The following ASTN1 variants were observed in gnomAD, a reference collection of about 807,000 sequenced individuals.
ASTN1 encodes astrotactin 1, also known as astrotactin-1.
Under a neutral mutation model 140.7 loss-of-function variants are expected in ASTN1, and 41 were observed. The observed-to-expected ratio is 0.29, with a 90% CI of 0.23 to 0.38. The LOEUF (loss-of-function observed/expected upper bound fraction) is 0.38. Among genes scored for constraint, ASTN1 ranks in the 10% least tolerant of loss-of-function variants. The probability of loss-of-function intolerance (pLI) is 1.00; values close to 1 mark genes in which losing one functional copy is unlikely to be tolerated. For synonymous variants in ASTN1, 640 were observed against 652.2 expected (o/e 0.98, Z 0.29); for missense variants, 1,479 against 1,678.8 (o/e 0.88, Z 2.08).
intron 1 of ASTN1, among the ~76,000 whole-genome samples, chr1:177,102,334 A>G (rs1181190549): frequency 2.0e-5 from 3 of 152,200 alleles, no homozygotes; most frequent in African/African-American, 7.2e-5. Flanking sequence ...GAAGGAAGCA[A>G]ACTCTGAGAG....
intron 8 of ASTN1, among the ~76,000 whole-genome samples, chr1:176,982,325 G>A (rs2101883002): frequency 6.6e-6 from 1 of 152,332 alleles, no homozygotes; most frequent in Non-Finnish European, 1.5e-5. Flanking sequence ...CGAGGGGCCG[G>A]TAACTCAGGA....
chr1:177,123,180 G>A (rs899734976), intron 1 of ASTN1, among the ~76,000 whole-genome samples: 4 of 152,184 alleles, frequency 2.6e-5, no homozygotes, highest in South Asian at 4.1e-4. Flanking sequence ...AGTGCATGCT[G>A]AGTAGAATGG....
intron 9 of ASTN1, 28 bp from the exon 10 acceptor site, chr1:176,958,510 C>A: frequency 6.3e-7 from 1 of 1,591,196 alleles, no homozygotes; most frequent in South Asian, 1.1e-5. Flanking sequence ...GCCAGGTGGT[C>A]ATGACTGGGG....
At chr1:176,908,125 C>G (rs1015523534) in intron 16 of ASTN1, among the ~76,000 whole-genome samples, 1 of 111,410 alleles carries the variant, frequency 9.0e-6, no homozygotes, top group Non-Finnish European at 1.8e-5. Flanking sequence ...ATCTAACTCT[C>G]TTATGCAACA....
chr1:176,898,605 G>A (rs2103043935), intron 16 of ASTN1, among the ~76,000 whole-genome samples: 1 of 152,328 alleles, frequency 6.6e-6, no homozygotes, highest in Non-Finnish European at 1.5e-5. Context: ...GTAAGTGAGA[G>A]TCGTTCAGGT....
intron 2 of ASTN1, among the ~76,000 whole-genome samples, chr1:177,041,892 G>T (rs1676992572): frequency 6.6e-6 from 1 of 152,228 alleles, no homozygotes; most frequent in Admixed American, 6.5e-5. Flanking sequence ...AGCAACTGGG[G>T]CTGAGTACAT....
chr1:177,068,821 CT>C lies in ASTN1; in HGVS notation c.284-7557del, dbSNP rs763780306. 6.4e-3 allele frequency among the ~76,000 whole-genome samples: 870 copies of C among 135,324 alleles called. 4 individuals carry two copies. The highest frequency in any genetic ancestry group is 0.014 in the African/African-American group (516 of 36,780). The allele number at this position is 135,324 out of a possible 152,430, so 88.8% of individuals were successfully genotyped here. ...TTTTCTTTTTTTCCTTCTTTCTTTT[CT>C]TTTTTTTTTTTTTTTGAGATAGGAT... is the stretch of plus-strand genomic sequence containing the variant. On this transcript the variant is annotated intron_variant, in intron 1 of 22. Transcript: ENST00000361833.
intron 2 of ASTN1, among the ~76,000 whole-genome samples, chr1:177,051,379 T>C (rs1558059873): frequency 6.6e-6 from 1 of 152,204 alleles, no homozygotes; most frequent in Non-Finnish European, 1.5e-5. Flanking sequence ...GTAAATAAAG[T>C]TTATTGAAAC....
rs16850568 is a variant in ASTN1, at chr1:176,989,425, C to A, written c.1524-24188G>T. 8.5e-3 allele frequency among the ~76,000 whole-genome samples: 1,301 copies of A among 152,274 alleles called. 20 individuals are homozygous for A. Among genetic ancestry groups the A allele is most frequent in the Middle Eastern group, 0.048 (14 of 294 alleles). On this transcript the variant is annotated intron_variant, in intron 8 of 22. Transcript: ENST00000361833. The stretch of plus-strand genomic sequence containing the variant: ...AGGAAAAGAGCCAATTAAGCTTCGT[C>A]CTGCAGAGGTACAATGGCCTAACAA...
intron 1 of ASTN1, among the ~76,000 whole-genome samples, chr1:177,102,956 T>A (rs115532781): frequency 0.046 from 7,066 of 152,276 alleles, 200 homozygotes; most frequent in Admixed American, 0.065. Flanking sequence ...TCTCTAACCA[T>A]AATGGCTGCT....
chr1:177,158,690 G>GTA (rs1364882588), intron 1 of ASTN1, among the ~76,000 whole-genome samples: 1 of 144,774 alleles, frequency 6.9e-6, no homozygotes, highest in Non-Finnish European at 1.5e-5. Context: ...GTGTGTGTGT[G>GTA]TGTATGATAT....
chr1:176,868,756 T>G, intron 22 of ASTN1, 88 bp downstream of exon 22: 1 of 1,372,230 alleles, frequency 7.3e-7, no homozygotes, highest in Non-Finnish European at 9.8e-7. Context: ...CCAGGAAATC[T>G]CTACAACTTC....
chr1:177,136,539 A>G (rs1469789661), intron 1 of ASTN1, among the ~76,000 whole-genome samples: 1 of 151,902 alleles, frequency 6.6e-6, no homozygotes, highest in Non-Finnish European at 1.5e-5. Flanking sequence ...TTTTTAGTAG[A>G]GACAGGGTTT....
At chr1:177,036,071 G>A (rs1221508994) in intron 2 of ASTN1, among the ~76,000 whole-genome samples, 4 of 104,588 alleles carry the variant, frequency 3.8e-5, no homozygotes, top group Non-Finnish European at 7.2e-5. Flanking sequence ...TTGAGATGGA[G>A]TTTTGCTCTT....
In ASTN1 at chr1:176,876,521, C is replaced by T; in HGVS notation, c.3463+16G>A. On this transcript the variant is annotated intron_variant, in intron 21 of 22. Coordinates refer to ENST00000361833, the MANE Select transcript of ASTN1 (RefSeq NM_004319.3). ...GGCATCCCTTCAGAAACACTGCTAA[C>T]TTCGATGTCTCTTACCTTGAGCCTT... is the stretch of plus-strand genomic sequence containing the variant. The T allele has an allele frequency of 6.2e-7, 1 of 1,613,648 alleles. No homozygotes were observed.
chr1:177,062,627 C>T (rs1173972115), intron 1 of ASTN1, among the ~76,000 whole-genome samples: 1 of 149,196 alleles, frequency 6.7e-6, no homozygotes, highest in East Asian at 2.0e-4. Flanking sequence ...ATTTCACAGA[C>T]ATAAAAGAGA....
chr1:177,135,761 C>G (rs941114943), intron 1 of ASTN1, among the ~76,000 whole-genome samples: 2 of 152,160 alleles, frequency 1.3e-5, no homozygotes, highest in Non-Finnish European at 2.9e-5. Context: ...AAAACACTTT[C>G]CAGCTTAAAT....
At chr1:177,049,746 C>G (rs1046786908) in intron 2 of ASTN1, among the ~76,000 whole-genome samples, 1 of 152,214 alleles carries the variant, frequency 6.6e-6, no homozygotes. Context: ...GCCCACGTCA[C>G]TCTGCTTTGA....
chr1:177,063,270 G>C (rs1678187755), intron 1 of ASTN1, among the ~76,000 whole-genome samples: 1 of 152,048 alleles, frequency 6.6e-6, no homozygotes, highest in Non-Finnish European at 1.5e-5. Context: ...TAAGAGTGTG[G>C]GTCAGGGCTA....
Sources: gnomAD v4.1 joint callset for allele counts (sites outside exome capture counted in the v4.1 genomes callset) on GRCh38, gnomAD v4.1.1 for gene constraint, MANE v1.5 for transcripts, NCBI Gene and HGNC (gene_info 2026-07-23, HGNC 2026-07-21) for gene names.